The following DLG2 variants were observed in gnomAD, a reference collection of about 807,000 sequenced individuals.
DLG2 encodes disks large homolog 2.
Under a neutral mutation model 132.5 loss-of-function variants are expected in DLG2, and 45 were observed. The ratio of observed to expected loss-of-function variants is 0.34; its 90% CI spans 0.27 to 0.44. DLG2 has a LOEUF of 0.44. Ranked by LOEUF, DLG2 falls within the 20% of genes least tolerant of loss-of-function variation. The probability of loss-of-function intolerance (pLI) is 1.00; values close to 1 mark genes in which losing one functional copy is unlikely to be tolerated. For missense variants in DLG2, 1,045 were observed against 1,196.9 expected, an observed-to-expected ratio of 0.87 and a Z score of 1.87; for synonymous variants, 424 against 419.6, an observed-to-expected ratio of 1.01 and a Z score of -0.13.
At chr11:84,628,882 C>G (rs2099627172) in intron 6 of DLG2, among the ~76,000 whole-genome samples, 1 of 152,062 alleles carries the variant, frequency 6.6e-6, no homozygotes, top group African/African-American at 2.4e-5. Context: ...TTGTAAAATG[C>G]ATAATTGAGT....
chr11:83,906,104 T>TAC (rs1194941494), intron 15 of DLG2, among the ~76,000 whole-genome samples: 3,121 of 81,188 alleles, frequency 0.038, 46 homozygotes, highest in Non-Finnish European at 0.05. Flanking sequence ...TATATATATA[T>TAC]ACATATATAG....
chr11:85,333,182 G>T (rs2081891838), intron 3 of DLG2, among the ~76,000 whole-genome samples: 1 of 151,982 alleles, frequency 6.6e-6, no homozygotes, highest in African/African-American at 2.4e-5. Context: ...ATATTCCTAT[G>T]TATTTCATTA....
At chr11:85,012,479 G>A (rs938880692) in intron 6 of DLG2, among the ~76,000 whole-genome samples, 14 of 151,778 alleles carry the variant, frequency 9.2e-5, no homozygotes, top group African/African-American at 2.7e-4. Context: ...AGCTGAGATC[G>A]CGCCATTGCA....
At chr11:84,685,174 T>C (rs1490069777) in intron 6 of DLG2, among the ~76,000 whole-genome samples, 2 of 152,168 alleles carry the variant, frequency 1.3e-5, no homozygotes, top group Non-Finnish European at 2.9e-5. Context: ...ATAATTCCAG[T>C]TTTCTGACAA....
intron 11 of DLG2, among the ~76,000 whole-genome samples, chr11:84,032,288 C>T (rs1212221570): frequency 6.6e-6 from 1 of 152,128 alleles, no homozygotes; most frequent in Admixed American, 6.5e-5. Context: ...GTTGTAAATA[C>T]AAAGGAAGAG....
intron 6 of DLG2, chr11:84,545,215 C>T (rs2099387262): frequency 2.2e-6 from 1 of 461,992 alleles, no homozygotes; most frequent in Admixed American, 2.3e-5. Context: ...AAAGGATTGT[C>T]CTTCATCACC....
intron 21 of DLG2, among the ~76,000 whole-genome samples, chr11:83,503,533 A>AAGG (rs1227775542): frequency 6.6e-6 from 1 of 151,172 alleles, no homozygotes; most frequent in African/African-American, 2.4e-5. Flanking sequence ...GCTGAAGAGA[A>AAGG]AGGAGAGCCA....
chr11:85,001,016 A>G (rs1184439691), intron 6 of DLG2, among the ~76,000 whole-genome samples: 1 of 152,078 alleles, frequency 6.6e-6, no homozygotes, highest in Admixed American at 6.6e-5. Flanking sequence ...AACCCCATGC[A>G]TTTTTAGCAA....
chr11:85,508,413 C>A (rs2093983834), intron 3 of DLG2, among the ~76,000 whole-genome samples: 1 of 152,092 alleles, frequency 6.6e-6, no homozygotes, highest in South Asian at 2.1e-4. Flanking sequence ...TCTCTCAAGT[C>A]ATTCGGCTCT....
chr11:85,605,632 A>C (rs2080474555), intron 2 of DLG2, among the ~76,000 whole-genome samples: 1 of 152,220 alleles, frequency 6.6e-6, no homozygotes, highest in Non-Finnish European at 1.5e-5. Context: ...TCTCAAAATA[A>C]AGATAATTAA....
chr11:83,520,600 TAGAA>T (rs887315496), intron 21 of DLG2, among the ~76,000 whole-genome samples: 2 of 151,642 alleles, frequency 1.3e-5, no homozygotes, highest in African/African-American at 2.4e-5. Context: ...GGTAGATAGA[TAGAA>T]AGACAGACAG....
intron 19 of DLG2, among the ~76,000 whole-genome samples, chr11:83,565,503 T>C (rs2096691617): frequency 6.6e-6 from 1 of 152,234 alleles, no homozygotes; most frequent in African/African-American, 2.4e-5. Flanking sequence ...CAAATCATAT[T>C]TGAAAGCAAA....
chr11:85,490,476 AT>A (rs1273912143), intron 3 of DLG2, among the ~76,000 whole-genome samples: 1 of 151,984 alleles, frequency 6.6e-6, no homozygotes, highest in Non-Finnish European at 1.5e-5. Context: ...TGACAAAAAA[AT>A]CTTAATAATA....
chr11:85,087,532 G>C (rs1055745503), intron 6 of DLG2, among the ~76,000 whole-genome samples: 1 of 152,172 alleles, frequency 6.6e-6, no homozygotes, highest in Non-Finnish European at 1.5e-5. Context: ...ATGAACTAGA[G>C]GAGACATGCA....
chr11:85,008,605 C>T (rs188362534), intron 6 of DLG2, among the ~76,000 whole-genome samples: 11 of 151,992 alleles, frequency 7.2e-5, no homozygotes, highest in African/African-American at 2.7e-4. Flanking sequence ...TTAAGTAGTC[C>T]ATTTATCTTA....
At chr11:84,511,421 C>T (rs2099256729) in intron 7 of DLG2, among the ~76,000 whole-genome samples, 1 of 152,084 alleles carries the variant, frequency 6.6e-6, no homozygotes, top group Non-Finnish European at 1.5e-5. Context: ...TGAATATCTT[C>T]TTCAGGCACT....
intron 22 of DLG2, chr11:83,480,341 A>AAAAT: frequency 6.5e-7 from 1 of 1,529,988 alleles, no homozygotes; most frequent in Middle Eastern, 1.7e-4. Flanking sequence ...AATTGCAAAG[A>AAAAT]AAATAACCGC....
chr11:85,295,239 G>T (rs1322897753), intron 3 of DLG2, among the ~76,000 whole-genome samples: 1 of 152,064 alleles, frequency 6.6e-6, no homozygotes, highest in Non-Finnish European at 1.5e-5. Flanking sequence ...CAGAAGATAA[G>T]TAACTATATG....
intron 7 of DLG2, among the ~76,000 whole-genome samples, chr11:84,466,015 G>A (rs1211816401): frequency 6.6e-6 from 1 of 151,026 alleles, no homozygotes; most frequent in Admixed American, 6.6e-5. Flanking sequence ...AAATAAGGTT[G>A]AGAAAAAGAC....
Sources: gnomAD v4.1 joint callset for allele counts (sites outside exome capture counted in the v4.1 genomes callset) on GRCh38, gnomAD v4.1.1 for gene constraint, MANE v1.5 for transcripts, NCBI Gene and HGNC (gene_info 2026-07-23, HGNC 2026-07-21) for gene names.